Variants in CCSER1 observed in about 807,000 individuals in gnomAD.
CCSER1 encodes serine-rich coiled-coil domain-containing protein 1.
Under a neutral mutation model 82.0 loss-of-function variants are expected in CCSER1, and 41 were observed. That is an observed-to-expected ratio of 0.50 (90% CI 0.39 to 0.65). The LOEUF is 0.65. Among genes scored for constraint, CCSER1 ranks in the 30% least tolerant of loss-of-function variants. The probability of loss-of-function intolerance (pLI) is 0.00; values close to 1 mark genes in which losing one functional copy is unlikely to be tolerated. For missense variants in CCSER1, 1,119 were observed against 1,064.2 expected (o/e 1.05, Z -0.72); for synonymous variants, 414 against 383.9 (o/e 1.08, Z -0.92).
chr4:90,849,253 C>G (rs1032114954), intron 8 of CCSER1, among the ~76,000 whole-genome samples: 1 of 152,090 alleles, frequency 6.6e-6, no homozygotes, highest in Non-Finnish European at 1.5e-5. Flanking sequence ...ATATGGATAA[C>G]GAAGTCTGGG....
chr4:90,854,065 G>A (rs537628827), intron 8 of CCSER1, among the ~76,000 whole-genome samples: 1 of 152,240 alleles, frequency 6.6e-6, no homozygotes, highest in South Asian at 2.1e-4. Flanking sequence ...ATTTATTTCA[G>A]TCTACCAAAT....
rs145328573 is a variant in CCSER1, at chr4:90,310,739, A to G, written c.1324+1131A>G. On this transcript the variant is annotated intron_variant, in intron 2 of 10. Coordinates refer to ENST00000509176, the MANE Select transcript of CCSER1 (RefSeq NM_001145065.2). ...TCCAAAGCTCTGGCTCTCCATAACT[A>G]TGCTTTACTACATGTCATGACTTAA... 8.7e-4 allele frequency among the ~76,000 whole-genome samples: 133 copies of G among 152,184 alleles called. 6 individuals are homozygous for G. In the East Asian group the frequency reaches 0.022, roughly 25 times the overall value.
At chr4:91,388,061 T>C (rs557531836) in intron 10 of CCSER1, among the ~76,000 whole-genome samples, 1 of 152,188 alleles carries the variant, frequency 6.6e-6, no homozygotes, top group African/African-American at 2.4e-5. Flanking sequence ...AAAAATATCA[T>C]TATTGATCAA....
chr4:91,597,010 C>T (rs1024104997), intron 10 of CCSER1, among the ~76,000 whole-genome samples: 1 of 151,926 alleles, frequency 6.6e-6, no homozygotes, highest in African/African-American at 2.4e-5. Flanking sequence ...AGGAGGGAGA[C>T]TTATTTCAAT....
At chr4:90,873,934 A>G (rs1290302052) in intron 8 of CCSER1, among the ~76,000 whole-genome samples, 1 of 152,092 alleles carries the variant, frequency 6.6e-6, no homozygotes, top group Non-Finnish European at 1.5e-5. Flanking sequence ...ACTGTCTTTA[A>G]TTTTATTTTC....
At chr4:91,547,380 G>C (rs936034678) in intron 10 of CCSER1, among the ~76,000 whole-genome samples, 1 of 152,098 alleles carries the variant, frequency 6.6e-6, no homozygotes, top group Non-Finnish European at 1.5e-5. Context: ...TTGATGCTTT[G>C]TTGTTAGGCA....
At chr4:90,311,971 T>C (rs1012720054) in intron 2 of CCSER1, among the ~76,000 whole-genome samples, 14 of 152,178 alleles carry the variant, frequency 9.2e-5, no homozygotes, top group Non-Finnish European at 2.9e-5. Context: ...TCAGTTAACA[T>C]GCTATATATA....
chr4:90,911,471 TTTTG>T (rs1227599643), intron 8 of CCSER1: 1 of 309,382 alleles, frequency 3.2e-6, no homozygotes, highest in African/African-American at 2.2e-5. Context: ...TCTCTCTTGC[TTTTG>T]TTTTATTTAA....
rs550419967 is a variant in CCSER1 at position 91,106,087 on chromosome 4, G to A, written c.2217+20093G>A. Among the ~76,000 whole-genome samples the A allele has an allele frequency of 1.1e-3, 166 of 152,228 alleles. 2 individuals are homozygous for A. The highest frequency in any genetic ancestry group is 3.7e-3 in the African/African-American group (155 of 41,548). ...TTAGATAAGGAATTGTAGGACTGTG[G>A]CAAGATACATTTCACTCTGAACACT... On this transcript the variant is annotated intron_variant, in intron 10 of 10. Transcript: ENST00000509176.
At chr4:90,889,127 G>T (rs1232582552) in intron 8 of CCSER1, among the ~76,000 whole-genome samples, 1 of 152,118 alleles carries the variant, frequency 6.6e-6, no homozygotes, top group African/African-American at 2.4e-5. Flanking sequence ...TGTCAACTGC[G>T]TGAAAGAATC....
At chr4:90,719,464 T>C (rs1742292969) in intron 6 of CCSER1, among the ~76,000 whole-genome samples, 1 of 151,988 alleles carries the variant, frequency 6.6e-6, no homozygotes, top group South Asian at 2.1e-4. Flanking sequence ...CCCTAAATCA[T>C]CCCCCTCCCA....
At chr4:90,397,515 C>A (rs950063389) in intron 3 of CCSER1, among the ~76,000 whole-genome samples, 1 of 152,204 alleles carries the variant, frequency 6.6e-6, no homozygotes, top group South Asian at 2.1e-4. Flanking sequence ...GAAACAGGAA[C>A]AACATGACCT....
chr4:90,314,261 C>T (rs1036932494), intron 3 of CCSER1, among the ~76,000 whole-genome samples: 8 of 152,148 alleles, frequency 5.3e-5, no homozygotes, highest in African/African-American at 1.7e-4. Flanking sequence ...TTTCATGCTT[C>T]GTTTTGTTCT....
chr4:91,058,346 T>G (rs895142547), intron 9 of CCSER1, among the ~76,000 whole-genome samples: 3 of 152,116 alleles, frequency 2.0e-5, no homozygotes, highest in Non-Finnish European at 4.4e-5. Flanking sequence ...TACAAGGACA[T>G]GGGTAGAGCT....
At chr4:90,376,270 G>A (rs1250552327) in intron 3 of CCSER1, among the ~76,000 whole-genome samples, 1 of 152,122 alleles carries the variant, frequency 6.6e-6, no homozygotes, top group Non-Finnish European at 1.5e-5. Context: ...TCTCTAAAAT[G>A]GGATTCACTA....
chr4:90,271,196 AAAG>A (rs909976824), intron 1 of CCSER1, among the ~76,000 whole-genome samples: 13 of 152,188 alleles, frequency 8.5e-5, no homozygotes, highest in African/African-American at 2.7e-4. Flanking sequence ...TACTGAACAA[AAAG>A]AAGAAGACTG....
At chr4:90,671,263 G>T (rs1224040669) in intron 6 of CCSER1, among the ~76,000 whole-genome samples, 2 of 152,010 alleles carry the variant, frequency 1.3e-5, no homozygotes, top group South Asian at 2.1e-4. Context: ...ATTCATAAAA[G>T]ATTTCTCTGT....
At chr4:90,199,971 C>G (rs906495350) in intron 1 of CCSER1, among the ~76,000 whole-genome samples, 5 of 151,832 alleles carry the variant, frequency 3.3e-5, no homozygotes, top group African/African-American at 9.7e-5. Context: ...GGTGTTTACT[C>G]CAATGCAATA....
At chr4:90,542,786 G>C (rs1341905170) in intron 5 of CCSER1, among the ~76,000 whole-genome samples, 1 of 152,002 alleles carries the variant, frequency 6.6e-6, no homozygotes, top group Non-Finnish European at 1.5e-5. Flanking sequence ...ACAATATTAT[G>C]AGACAAGTAA....
Sources: allele counts gnomAD v4.1 joint callset (sites outside exome capture counted in the v4.1 genomes callset), GRCh38; gene constraint gnomAD v4.1.1; transcripts MANE v1.5; gene names NCBI Gene and HGNC (gene_info 2026-07-23, HGNC 2026-07-21).